Variants in SLC39A14 observed in about 807,000 individuals in gnomAD.
SLC39A14 encodes the protein solute carrier family 39 member 14.
Under a neutral mutation model 45.5 loss-of-function variants are expected in SLC39A14, and 19 were observed. That is an observed-to-expected ratio of 0.42 (90% CI 0.29 to 0.61). The LOEUF is 0.61. Ranked by LOEUF, SLC39A14 falls within the 20% of genes least tolerant of loss-of-function variation. The pLI is 0.22. For missense variants in SLC39A14, 447 were observed against 616.5 expected (o/e 0.73, Z 2.91); for synonymous variants, 264 against 251.3 (o/e 1.05, Z -0.48).
intron 2 of SLC39A14, among the ~76,000 whole-genome samples, chr8:22,405,667 A>G (rs1038238128): frequency 6.6e-6 from 1 of 151,242 alleles, no homozygotes; most frequent in African/African-American, 2.5e-5. Context: ...AGTCCATTAC[A>G]CACTATCCCG....
rs373230777 is a variant in SLC39A14 at position 22,371,414 on chromosome 8, C to CTT, written c.-16+4042_-16+4043dup. ...GGATATCTAAAAAAAAAATACATGT[C>CTT]TTTTTTTTTTTTTTTTTTTTTTTTT... On this transcript the variant is annotated intron_variant, in intron 1 of 8. Transcript: ENST00000381237. Among the ~76,000 whole-genome samples the CTT allele has an allele frequency of 2.5e-3, 300 of 120,042 alleles. 82 individuals carry two copies. The highest frequency in any genetic ancestry group is 9.8e-3 in the Middle Eastern group (2 of 204). The allele number at this position is 120,042 out of a possible 152,430, so 78.8% of individuals were successfully genotyped here.
At chr8:22,427,205 C>T (rs993118118), downstream of SLC39A14, among the ~76,000 whole-genome samples, 12 of 152,018 alleles carry the variant, frequency 7.9e-5, no homozygotes, top group Non-Finnish European at 1.6e-4. Flanking sequence ...GCAGGAGAAT[C>T]GTTTGAACCC....
chr8:22,397,220 G>A (rs964381550), intron 1 of SLC39A14, among the ~76,000 whole-genome samples: 1 of 152,160 alleles, frequency 6.6e-6, no homozygotes, highest in Non-Finnish European at 1.5e-5. Context: ...GCCAGGCAGC[G>A]CTTCCCAGGC....
chr8:22,373,906 G>A (rs183625011), intron 1 of SLC39A14, among the ~76,000 whole-genome samples: 7 of 151,974 alleles, frequency 4.6e-5, no homozygotes, highest in Non-Finnish European at 8.8e-5. Flanking sequence ...ATGCAGACAC[G>A]CGCCACCACG....
intron 1 of SLC39A14, among the ~76,000 whole-genome samples, chr8:22,403,713 G>T (rs1835023370): frequency 6.6e-6 from 1 of 151,658 alleles, no homozygotes. Context: ...GAGCCCAGGA[G>T]TTTGAGACGA....
chr8:22,386,557 G>T (rs1476678617), intron 1 of SLC39A14, among the ~76,000 whole-genome samples: 1 of 152,184 alleles, frequency 6.6e-6, no homozygotes, highest in Admixed American at 6.5e-5. Flanking sequence ...GTAAGCCACC[G>T]TGCCCACCCC....
intron 1 of SLC39A14, 169 bp from the exon 2 acceptor site, chr8:22,404,523 TTTTA>T (rs1835088062): frequency 3.4e-6 from 2 of 585,940 alleles, no homozygotes; most frequent in Admixed American, 3.1e-5. Context: ...TTTTATTCGT[TTTTA>T]TTCTGTGCTT....
At chr8:22,412,566 G>A (rs919475292) in intron 4 of SLC39A14, among the ~76,000 whole-genome samples, 7 of 152,216 alleles carry the variant, frequency 4.6e-5, no homozygotes, top group Non-Finnish European at 1.0e-4. Flanking sequence ...GCTGTCTGAT[G>A]TGGGGTGAAA....
At chr8:22,376,971 T>C (rs1157035346) in intron 1 of SLC39A14, among the ~76,000 whole-genome samples, 1 of 152,218 alleles carries the variant, frequency 6.6e-6, no homozygotes, top group Non-Finnish European at 1.5e-5. Context: ...GCAAATCCTG[T>C]TTCTCCTTGT....
At chr8:22,371,440 T>A (rs1832929409) in intron 1 of SLC39A14, among the ~76,000 whole-genome samples, 1 of 140,182 alleles carries the variant, frequency 7.1e-6, no homozygotes, top group East Asian at 2.1e-4. Flanking sequence ...TTTTTTTTTT[T>A]TTTTTTTTTT....
At chr8:22,432,820 T>G (rs1294336059) in intron 8 of SLC39A14, among the ~76,000 whole-genome samples, 1 of 99,846 alleles carries the variant, frequency 1.0e-5, no homozygotes, top group African/African-American at 1.2e-4. Context: ...GCTATTTTGT[T>G]TTTTTTTTTT....
chr8:22,392,242 G>A (rs35359294), intron 1 of SLC39A14, among the ~76,000 whole-genome samples: 38,031 of 152,000 alleles, frequency 0.25, 5,433 homozygotes, highest in East Asian at 0.49. Context: ...GGGGAACTAG[G>A]AAGGTGCCGG....
intron 1 of SLC39A14, among the ~76,000 whole-genome samples, chr8:22,376,140 C>T (rs1020176445): frequency 1.3e-5 from 2 of 152,040 alleles, no homozygotes; most frequent in African/African-American, 4.8e-5. Context: ...GATGTTGCAT[C>T]CTTTAGAGGT....
At chr8:22,369,291 C>T (rs934992940) in intron 1 of SLC39A14, among the ~76,000 whole-genome samples, 1 of 152,128 alleles carries the variant, frequency 6.6e-6, no homozygotes, top group Non-Finnish European at 1.5e-5. Flanking sequence ...CAGTGCTGAG[C>T]GGGAGATTCG....
intron 1 of SLC39A14, among the ~76,000 whole-genome samples, chr8:22,402,384 CAAAA>C: frequency 6.7e-6 from 1 of 149,484 alleles, no homozygotes; most frequent in Non-Finnish European, 1.5e-5. Flanking sequence ...GACTCCGTCT[CAAAA>C]AGAAAAAAAA....
chr8:22,415,709 C>T, intron 5 of SLC39A14, 60 bp from the exon 6 acceptor site: 2 of 1,518,428 alleles, frequency 1.3e-6, no homozygotes, highest in Non-Finnish European at 1.8e-6. Flanking sequence ...GGAGCAGGTG[C>T]TCAATCAGGT....
At position 22,422,496 on chromosome 8, in the gene SLC39A14, A is replaced by G; in HGVS notation, c.*2798A>G. On this transcript the variant is annotated 3_prime_UTR_variant, in exon 9 of 9. Coordinates refer to ENST00000381237, the MANE Select transcript of SLC39A14 (RefSeq NM_001128431.4). ...ATCTACTTTAAAACAAAGTTGTCTG[A>G]TTTTTGCAAGAGAGGTTAGGATTTT... The G allele has an allele frequency of 1.0e-6, 1 of 985,816 alleles. No homozygotes were observed. The highest frequency in any genetic ancestry group is 1.2e-6 in the Non-Finnish European group (1 of 829,926). 61.1% of individuals were successfully genotyped at this position (985,816 alleles called of 1,614,324 possible). A position where few individuals can be genotyped will look rare whatever the true frequency, so the allele number is the denominator to read the frequency against.
chr8:22,391,139 G>T (rs372880941), intron 1 of SLC39A14, among the ~76,000 whole-genome samples: 5 of 152,140 alleles, frequency 3.3e-5, no homozygotes, highest in Admixed American at 3.3e-4. Flanking sequence ...GAGCCTCTAG[G>T]CCATTTAATA....
intron 1 of SLC39A14, among the ~76,000 whole-genome samples, chr8:22,369,216 A>C (rs1411917772): frequency 6.6e-6 from 1 of 152,186 alleles, no homozygotes; most frequent in African/African-American, 2.4e-5. Flanking sequence ...GGGCCAGGCC[A>C]AAAGCAGGTT....
Sources: allele counts gnomAD v4.1 joint callset (sites outside exome capture counted in the v4.1 genomes callset), GRCh38; gene constraint gnomAD v4.1.1; transcripts MANE v1.5; gene names NCBI Gene and HGNC (gene_info 2026-07-23, HGNC 2026-07-21).